PRH1: variants seen among roughly 807,000 people sequenced by gnomAD.
PRH1 encodes the protein proline rich protein HaeIII subfamily 1.
A neutral mutation model predicts 7.9 loss-of-function variants in PRH1; 7 were observed. That is an observed-to-expected ratio of 0.89 (90% CI 0.50 to 1.67). PRH1 has a LOEUF of 1.67. Among genes scored for constraint, PRH1 ranks in the 40% most tolerant of loss-of-function variants. The pLI is 0.00. For missense variants in PRH1, 109 were observed against 223.6 expected (o/e 0.49, Z 3.27); for synonymous variants, 45 against 80.8 (o/e 0.56, Z 2.38).
intron 1 of PRH1, chr12:11,005,972 A>G (rs568304106): frequency 6.6e-6 from 1 of 152,024 alleles, no homozygotes; most frequent in Non-Finnish European, 1.5e-5. Flanking sequence ...TTTTCTGTTT[A>G]ATTTATTTTT....
rs546066515 is a variant in PRH1, at chr12:10,903,931, CAAAAAAAAAAA to C, written c.-58-19667_-58-19657del. Among the ~76,000 whole-genome samples the C allele has an allele frequency of 2.9e-4, 9 of 31,098 alleles. 1 individual carries two copies. In the South Asian group the frequency reaches 0.015, roughly 51 times the overall value. The allele number at this position is 31,098 out of a possible 152,430, so 20.4% of individuals were successfully genotyped here. A position where few individuals can be genotyped will look rare whatever the true frequency, so the allele number is the denominator to read the frequency against. On this transcript the variant is annotated intron_variant, in intron 2 of 3. Transcript: ENST00000539853. Reference sequence around the variant, plus strand: ...AATGCAATCCCATTTACAATAGCCTCAAAAAAAAAAAAAAAAAAAAAAACAACTAGGACTAC... The same window carrying C: ...AATGCAATCCCATTTACAATAGCCTCAAAAAAAAAAAACAACTAGGACTAC...
intron 1 of PRH1, chr12:10,996,931 G>A: frequency 6.3e-7 from 1 of 1,576,212 alleles, no homozygotes; most frequent in Non-Finnish European, 8.6e-7. Context: ...AACACACAAT[G>A]CACCTCTTGT....
intron 1 of PRH1, chr12:11,091,143 T>TATATATATATATATA (rs1565644368): frequency 1.3e-3 from 81 of 61,182 alleles, no homozygotes; most frequent in East Asian, 3.1e-3. Context: ...TATATATATA[T>TATATATATATATATA]TTTCTAGACT....
chr12:11,147,262 C>T (rs1457759976), intron 1 of PRH1, among the ~76,000 whole-genome samples: 4 of 152,146 alleles, frequency 2.6e-5, no homozygotes, highest in African/African-American at 7.2e-5. Context: ...ACGATCTCGG[C>T]TCACTGCAGC....
At chr12:11,013,046 T>C (rs776474840) in intron 1 of PRH1, among the ~76,000 whole-genome samples, 4 of 152,152 alleles carry the variant, frequency 2.6e-5, no homozygotes, top group Non-Finnish European at 5.9e-5. Context: ...TCAACTTATA[T>C]ACTCAGTGCA....
At chr12:11,023,383 A>G (rs1230958831) in intron 1 of PRH1, among the ~76,000 whole-genome samples, 1 of 152,196 alleles carries the variant, frequency 6.6e-6, no homozygotes, top group Non-Finnish European at 1.5e-5. Context: ...AATATTTATC[A>G]AACATGTTTC....
chr12:10,931,185 G>A (rs1389129129), intron 2 of PRH1: 1 of 1,543,712 alleles, frequency 6.5e-7, no homozygotes, highest in East Asian at 2.3e-5. Context: ...TCCGTGTCCT[G>A]GAACACATTT....
At chr12:10,985,990 G>T in intron 1 of PRH1, 1 of 1,612,894 alleles carries the variant, frequency 6.2e-7, no homozygotes, top group Non-Finnish European at 8.5e-7. Context: ...AAAATCAAAA[G>T]AAAGGTGTGT....
intron 1 of PRH1, among the ~76,000 whole-genome samples, chr12:11,096,473 A>AAG (rs376580870): frequency 0.025 from 2,896 of 116,476 alleles, 851 homozygotes; most frequent in South Asian, 0.04. Context: ...TTATTAAAAA[A>AAG]AGTTTTTTTA....
chr12:11,093,859 A>G (rs1367316899), intron 1 of PRH1, among the ~76,000 whole-genome samples: 2 of 113,420 alleles, frequency 1.8e-5, no homozygotes, highest in Non-Finnish European at 4.2e-5. Context: ...TCCTCTTTCC[A>G]TTTACCATGA....
rs565665455 is a variant in PRH1 at position 11,073,137 on chromosome 12, T to C, written n.124-25949A>G. ...GTCGAAAAATCCATTTATTTATTTA[T>C]ATATTTATTTTTGAGACAGAGTCTT... On this transcript the variant is annotated intron_variant and non_coding_transcript_variant, in intron 1 of 4. Coordinates refer to the PRH1 transcript ENST00000541977. Among the ~76,000 whole-genome samples, 70 of 114,508 alleles carry C rather than the reference T, an allele frequency of 6.1e-4. 10 individuals are homozygous for C. Among genetic ancestry groups the C allele is most frequent in the African/African-American group, 2.0e-3 (68 of 34,308 alleles). The allele number at this position is 114,508 out of a possible 152,430, so 75.1% of individuals were successfully genotyped here. A position where few individuals can be genotyped will look rare whatever the true frequency, so the allele number is the denominator to read the frequency against.
At chr12:10,887,958 T>A (rs968866558), upstream of PRH1, among the ~76,000 whole-genome samples, 3 of 152,218 alleles carry the variant, frequency 2.0e-5, no homozygotes, top group Non-Finnish European at 4.4e-5. Context: ...TACAGGAAAT[T>A]AAGTAATTGT....
intron 1 of PRH1, among the ~76,000 whole-genome samples, chr12:11,028,909 T>C (rs534344630): frequency 3.3e-5 from 5 of 152,392 alleles, no homozygotes; most frequent in Admixed American, 3.3e-4. Flanking sequence ...GGGGAATTCA[T>C]GCAACTGCAG....
intron 1 of PRH1, among the ~76,000 whole-genome samples, chr12:11,011,500 A>G (rs2136042785): frequency 6.6e-6 from 1 of 151,972 alleles, no homozygotes; most frequent in South Asian, 2.1e-4. Context: ...ATACAGACAT[A>G]TTTTCCTTCA....
At chr12:10,991,366 A>AT (rs936717269) in intron 1 of PRH1, among the ~76,000 whole-genome samples, 13 of 152,182 alleles carry the variant, frequency 8.5e-5, no homozygotes, top group Middle Eastern at 3.4e-3. Flanking sequence ...TACTTATATC[A>AT]TTTTTTTCTA....
chr12:11,117,069 G>A (rs2708334), downstream of PRH1, among the ~76,000 whole-genome samples: 113,283 of 151,980 alleles, frequency 0.75, 44,722 homozygotes, highest in East Asian at 0.96. Flanking sequence ...AGCTCTGGCT[G>A]GAGCAATCAC....
At chr12:10,911,574 G>GA (rs963653114) in intron 2 of PRH1, among the ~76,000 whole-genome samples, 1 of 152,134 alleles carries the variant, frequency 6.6e-6, no homozygotes, top group Admixed American at 6.6e-5. Flanking sequence ...GTCACTGATG[G>GA]ATGCAGTTTG....
At chr12:10,989,486 A>G (rs1336861694) in intron 1 of PRH1, among the ~76,000 whole-genome samples, 1 of 152,216 alleles carries the variant, frequency 6.6e-6, no homozygotes, top group Admixed American at 6.5e-5. Context: ...CATCAAATAT[A>G]GCTTTCAAAT....
At chr12:10,916,073 C>A (rs1949968072) in intron 2 of PRH1, among the ~76,000 whole-genome samples, 2 of 152,038 alleles carry the variant, frequency 1.3e-5, no homozygotes, top group South Asian at 4.2e-4. Flanking sequence ...GCTGAGGAGG[C>A]CTCACAATCA....
Sources: gnomAD v4.1 joint callset for allele counts (sites outside exome capture counted in the v4.1 genomes callset) on GRCh38, gnomAD v4.1.1 for gene constraint, MANE v1.5 for transcripts, NCBI Gene and HGNC (gene_info 2026-07-23, HGNC 2026-07-21) for gene names.